The following CNGB3 variants were observed in gnomAD, a reference collection of about 807,000 sequenced individuals.
CNGB3 encodes the protein cyclic nucleotide-gated channel beta-3.
In CNGB3, 86 loss-of-function variants were observed where a neutral mutation model predicts 92.8. The ratio of observed to expected loss-of-function variants is 0.93; its 90% CI spans 0.78 to 1.11. The LOEUF (loss-of-function observed/expected upper bound fraction) is 1.11. Ranked by LOEUF, CNGB3 falls within the 50% of genes least tolerant of loss-of-function variation. The pLI, the probability that CNGB3 is intolerant of heterozygous loss-of-function variation, is 0.00. For missense variants in CNGB3, 1,026 were observed against 956.8 expected, an observed-to-expected ratio of 1.07 and a Z score of -0.95; for synonymous variants, 333 against 332.7, an observed-to-expected ratio of 1.00 and a Z score of -0.01.
intron 7 of CNGB3, among the ~76,000 whole-genome samples, chr8:86,651,536 AAAG>A (rs1277089047): frequency 5.9e-5 from 9 of 151,878 alleles, no homozygotes; most frequent in African/African-American, 9.7e-5. Flanking sequence ...TTAAAATAAA[AAAG>A]CAGATACACT....
intron 4 of CNGB3, among the ~76,000 whole-genome samples, 170 bp downstream of exon 4, chr8:86,670,774 C>T (rs1482419451): frequency 6.6e-6 from 1 of 152,146 alleles, no homozygotes; most frequent in Non-Finnish European, 1.5e-5. Context: ...ACTGTCTTAA[C>T]TTTGTTCTCT....
chr8:86,683,473 A>G (rs1459375328), intron 3 of CNGB3, among the ~76,000 whole-genome samples: 1 of 152,190 alleles, frequency 6.6e-6, no homozygotes, highest in African/African-American at 2.4e-5. Flanking sequence ...AATTAAACAA[A>G]TTGCTGATAA....
In CNGB3 at chr8:86,674,573, A is replaced by G. The variant is rs1387138050; in HGVS notation, c.339-3475T>C. 3.9e-5 allele frequency among the ~76,000 whole-genome samples: 6 copies of G among 152,340 alleles called. 1 individual carries two copies. The Middle Eastern group carries it at 0.02, about 518-fold the overall frequency. ...AAATAGAGAGGAAGAAACATACATC[A>G]TGAGATAAAACCCAAAAGGGATAAA... On this transcript the variant is annotated intron_variant, in intron 3 of 17. Coordinates refer to ENST00000320005, the MANE Select transcript of CNGB3 (RefSeq NM_019098.5).
intron 1 of CNGB3, 109 bp from the exon 2 acceptor site, chr8:86,739,845 T>G: frequency 8.0e-7 from 1 of 1,252,390 alleles, no homozygotes; most frequent in Non-Finnish European, 1.1e-6. Flanking sequence ...TCATTAAAAT[T>G]GACTGTTTAT....
intron 15 of CNGB3, among the ~76,000 whole-genome samples, chr8:86,582,381 G>A (rs1195227429): frequency 7.4e-6 from 1 of 136,022 alleles, no homozygotes; most frequent in Non-Finnish European, 1.6e-5. Flanking sequence ...GCAACAGAGG[G>A]AGACCCTATC....
chr8:86,616,068 A>T (rs546593647), intron 13 of CNGB3, among the ~76,000 whole-genome samples: 2 of 152,342 alleles, frequency 1.3e-5, no homozygotes, highest in African/African-American at 4.8e-5. Flanking sequence ...AAGCCTGAAC[A>T]TAGATAAGCA....
At chr8:86,674,592 G>T (rs1823927204) in intron 3 of CNGB3, among the ~76,000 whole-genome samples, 1 of 152,026 alleles carries the variant, frequency 6.6e-6, no homozygotes, top group Non-Finnish European at 1.5e-5. Context: ...AACCCAAAAG[G>T]GATAAAAGAA....
At chr8:86,659,368 G>A (rs529802809) in intron 6 of CNGB3, 214 of 887,308 alleles carry the variant, frequency 2.4e-4, no homozygotes, top group Middle Eastern at 2.8e-4. Flanking sequence ...GGTTCACACT[G>A]GCTTGAGGAC....
chr8:86,596,787 C>G (rs761964006), intron 15 of CNGB3, among the ~76,000 whole-genome samples: 3 of 152,066 alleles, frequency 2.0e-5, no homozygotes, highest in Non-Finnish European at 4.4e-5. Flanking sequence ...AAATGTCCAT[C>G]AATAATAGAC....
At position 86,579,179 on chromosome 8, in the gene CNGB3, G is replaced by A. The variant is rs762859434; in HGVS notation, c.1855C>T (p.Leu619=). 1 of 1,614,136 alleles carries A rather than the reference G, an allele frequency of 6.2e-7. No homozygotes were observed. The highest frequency in any genetic ancestry group is 1.7e-5 in the Admixed American group (1 of 60,020). The change falls in exon 16 of 18, where the codon CTA becomes TTA. Residue 619 remains leucine, a synonymous_variant. Coordinates refer to ENST00000320005, the MANE Select transcript of CNGB3 (RefSeq NM_019098.5). ...ATTTCTTGGAGGGTCTTTTTGTCTA[G>A]AGTTAAAAGATTGGCAAACCCGTGG... ...VAHGFANLLT[L]DKKTLQEILV...
Position 86,575,869 on chromosome 8 carries a change from C to T in CNGB3, c.2365G>A (p.Ala789Thr), listed in dbSNP as rs267602028. Residue 789 changes from alanine (A) to threonine (T), a missense_variant, in exon 18 of 18, where the codon GCT becomes ACT. Physicochemically the swap from Ala to Thr is moderately conservative, Grantham distance 58. Transcript: ENST00000320005. Reference sequence around the variant, plus strand: ...TCTTCTCCGCCCTCAGCAGAAGGAGCCATGCTGATAATGAGTGATTGACGA... The same window carrying T: ...TCTTCTCCGCCCTCAGCAGAAGGAGTCATGCTGATAATGAGTGATTGACGA... The part of the protein sequence containing the change: ...TSRQSLIISM[A>T]PSAEGGEEVL... 9.3e-6 allele frequency: 15 copies of T among 1,613,058 alleles called. No homozygotes were observed. The Admixed American group carries it at 2.5e-4, about 27-fold the overall frequency.
chr8:86,691,199 C>T (rs13253616), intron 3 of CNGB3, among the ~76,000 whole-genome samples: 30,828 of 152,056 alleles, frequency 0.2, 3,522 homozygotes, highest in South Asian at 0.3. Flanking sequence ...TATAGCAGTG[C>T]TGCTGATTTG....
chr8:86,732,405 C>A (rs1825172008), intron 2 of CNGB3, among the ~76,000 whole-genome samples: 1 of 152,128 alleles, frequency 6.6e-6, no homozygotes, highest in South Asian at 2.1e-4. Context: ...CAGACTACTC[C>A]CTTTGGAATT....
chr8:86,694,424 G>A (rs572398621), intron 3 of CNGB3, among the ~76,000 whole-genome samples: 1,528 of 151,864 alleles, frequency 0.01, 23 homozygotes, highest in African/African-American at 0.034. Context: ...CCTCCCGGAC[G>A]GGGTGGCTGC....
In CNGB3 at chr8:86,589,150, T is replaced by A. The variant is rs1585951297; in HGVS notation, c.1782-9898A>T. Among the ~76,000 whole-genome samples the A allele has an allele frequency of 6.7e-5, 10 of 150,252 alleles. No homozygotes were observed. In the South Asian group the frequency reaches 1.7e-3, roughly 25 times the overall value. On this transcript the variant is annotated intron_variant, in intron 15 of 17. Coordinates refer to ENST00000320005, the MANE Select transcript of CNGB3 (RefSeq NM_019098.5). ...TAGAGGTGTTTGTAGTATTCTCTGATGGTAGTTTGTATTTCTGTGGGATCG... is the reference window on the plus strand; with the variant it reads ...TAGAGGTGTTTGTAGTATTCTCTGAAGGTAGTTTGTATTTCTGTGGGATCG...
chr8:86,721,877 T>A (rs1031649), intron 3 of CNGB3, among the ~76,000 whole-genome samples: 97,566 of 152,072 alleles, frequency 0.64, 32,468 homozygotes, highest in African/African-American at 0.81. Context: ...TTCTAGCTAC[T>A]AGACAATAAA....
chr8:86,654,052 T>C lies in CNGB3; in HGVS notation c.863A>G (p.Asn288Ser). ...VRGGDIIVDS[N>S]ELRKHYRTST... is the part of the protein sequence containing the mutation. The stretch of plus-strand genomic sequence containing the variant: ...AGTCCTGTAGTGTTTCCTTAGCTCA[T>C]TTGAATCCACCTGAAAGATATTTGT... The change falls in exon 7 of 18, where the codon AAT becomes AGT. Residue 288 changes from asparagine to serine, a missense_variant. Coordinates refer to ENST00000320005, the MANE Select transcript of CNGB3 (RefSeq NM_019098.5). The C allele has an allele frequency of 1.3e-6, 2 of 1,593,390 alleles. No homozygotes were observed. The highest frequency in any genetic ancestry group is 1.7e-6 in the Non-Finnish European group (2 of 1,161,466).
rs148548391 is a variant in CNGB3, at chr8:86,610,090, T to G, written c.1662+1498A>C. On this transcript the variant is annotated intron_variant, in intron 14 of 17. Transcript: ENST00000320005. ...AGTGGTTCTCAGTTTTGGCTGCATTTTAGAATGATATAGGAGTTTTAAATA... is the reference window on the plus strand; with the variant it reads ...AGTGGTTCTCAGTTTTGGCTGCATTGTAGAATGATATAGGAGTTTTAAATA... Among the ~76,000 whole-genome samples the G allele has an allele frequency of 1.9e-4, 29 of 152,312 alleles. No homozygotes were observed. The East Asian group carries it at 5.2e-3, about 27-fold the overall frequency.
intron 2 of CNGB3, among the ~76,000 whole-genome samples, chr8:86,735,844 A>G (rs534673278): frequency 1.3e-5 from 2 of 152,338 alleles, no homozygotes; most frequent in East Asian, 3.9e-4. Flanking sequence ...TTGGATAGCC[A>G]TTAATTGGCT....
Sources: gnomAD v4.1 joint callset for allele counts (sites outside exome capture counted in the v4.1 genomes callset) on GRCh38, gnomAD v4.1.1 for gene constraint, MANE v1.5 for transcripts, NCBI Gene and HGNC (gene_info 2026-07-23, HGNC 2026-07-21) for gene names.